Variants in SOX5 observed in about 807,000 individuals in gnomAD.
SOX5 encodes transcription factor SOX-5.
In SOX5, 9 loss-of-function variants were observed where a neutral mutation model predicts 92.0. That is an observed-to-expected ratio of 0.10 (90% CI 0.06 to 0.17). The LOEUF is 0.17. Among genes scored for constraint, SOX5 ranks in the 10% least tolerant of loss-of-function variants. SOX5 has a pLI of 1.00. For missense variants in SOX5, 642 were observed against 944.5 expected, an observed-to-expected ratio of 0.68 and a Z score of 4.20; for synonymous variants, 344 against 336.3, an observed-to-expected ratio of 1.02 and a Z score of -0.25.
chr12:24,162,700 A>G (rs1952897700), intron 4 of SOX5, among the ~76,000 whole-genome samples: 1 of 152,150 alleles, frequency 6.6e-6, no homozygotes, highest in African/African-American at 2.4e-5. Flanking sequence ...TGTAAAGGAC[A>G]TATATTGTTT....
intron 1 of SOX5, among the ~76,000 whole-genome samples, chr12:24,455,563 G>C (rs1427301657): frequency 6.6e-6 from 1 of 152,120 alleles, no homozygotes; most frequent in Non-Finnish European, 1.5e-5. Context: ...TTTCACTTTG[G>C]AGAATGCATT....
At chr12:24,249,925 G>C (rs534523176) in intron 3 of SOX5, among the ~76,000 whole-genome samples, 39 of 152,248 alleles carry the variant, frequency 2.6e-4, no homozygotes, top group Non-Finnish European at 4.7e-4. Context: ...TCCTGCAGAA[G>C]GAAGGGAAAT....
At chr12:23,825,524 T>C (rs1362521158) in intron 3 of SOX5, among the ~76,000 whole-genome samples, 1 of 152,178 alleles carries the variant, frequency 6.6e-6, no homozygotes, top group Non-Finnish European at 1.5e-5. Flanking sequence ...TATTCGGCCA[T>C]CTTGCCCGGG....
intron 3 of SOX5, among the ~76,000 whole-genome samples, chr12:23,783,061 A>C (rs2095313381): frequency 6.6e-6 from 1 of 152,140 alleles, no homozygotes; most frequent in Non-Finnish European, 1.5e-5. Flanking sequence ...TAGGTATCTA[A>C]ATTAGCTCAT....
intron 4 of SOX5, among the ~76,000 whole-genome samples, chr12:23,979,698 G>GCT (rs1949311242): frequency 1.5e-5 from 1 of 64,692 alleles, no homozygotes; most frequent in Non-Finnish European, 2.7e-5. Flanking sequence ...ATATATATAT[G>GCT]TTTTTTTTGT....
intron 2 of SOX5, among the ~76,000 whole-genome samples, chr12:24,286,458 A>C (rs772362812): frequency 2.6e-4 from 40 of 152,170 alleles, no homozygotes; most frequent in Non-Finnish European, 4.4e-4. Flanking sequence ...GTACAATCAG[A>C]TATTTGAAGG....
intron 2 of SOX5, among the ~76,000 whole-genome samples, chr12:24,362,049 GTCCTATT>G (rs1178045542): frequency 6.6e-6 from 1 of 152,200 alleles, no homozygotes; most frequent in Non-Finnish European, 1.5e-5. Context: ...TGACCTTTCT[GTCCTATT>G]TCCTCTAGAG....
chr12:24,389,026 T>G (rs1269883831), intron 1 of SOX5, among the ~76,000 whole-genome samples: 1 of 152,086 alleles, frequency 6.6e-6, no homozygotes, highest in East Asian at 1.9e-4. Flanking sequence ...TACATATGTA[T>G]ACATGTGCCA....
At chr12:24,380,938 T>G (rs1235043069) in intron 1 of SOX5, among the ~76,000 whole-genome samples, 1 of 152,140 alleles carries the variant, frequency 6.6e-6, no homozygotes, top group Non-Finnish European at 1.5e-5. Flanking sequence ...CATCCAAATT[T>G]GAAACAAATA....
At chr12:23,979,909 CT>C (rs1308150963) in intron 4 of SOX5, among the ~76,000 whole-genome samples, 56 of 48,048 alleles carry the variant, frequency 1.2e-3, no homozygotes, top group African/African-American at 8.7e-4. Context: ...GGCTGGCTGG[CT>C]GGCCAGACAG....
chr12:23,847,994 T>C (rs1311364868), intron 2 of SOX5, among the ~76,000 whole-genome samples: 1 of 152,110 alleles, frequency 6.6e-6, no homozygotes, highest in Non-Finnish European at 1.5e-5. Context: ...AATAGGAATG[T>C]TTTTATGAAT....
At chr12:23,768,831 C>T (rs942340383) in intron 3 of SOX5, among the ~76,000 whole-genome samples, 2 of 152,054 alleles carry the variant, frequency 1.3e-5, no homozygotes, top group African/African-American at 4.8e-5. Context: ...GCTGTATTAT[C>T]TACCTAAAAC....
chr12:23,581,353 C>T (rs1950017773), intron 9 of SOX5, among the ~76,000 whole-genome samples: 1 of 152,016 alleles, frequency 6.6e-6, no homozygotes, highest in South Asian at 2.1e-4. Flanking sequence ...AATGATTAAA[C>T]CCTTCAGAAT....
chr12:24,292,439 G>T (rs1008197888), intron 2 of SOX5, among the ~76,000 whole-genome samples: 16 of 152,102 alleles, frequency 1.1e-4, no homozygotes, highest in African/African-American at 3.6e-4. Context: ...ATTCATCATA[G>T]TTATAAGCCA....
At chr12:24,439,768 G>C (rs139173942) in intron 1 of SOX5, among the ~76,000 whole-genome samples, 2 of 151,964 alleles carry the variant, frequency 1.3e-5, no homozygotes, top group African/African-American at 4.8e-5. Context: ...GGTGGCGGGC[G>C]CCTGTAGTCC....
At chr12:24,117,256 GT>G (rs781775869) in intron 4 of SOX5, among the ~76,000 whole-genome samples, 4 of 152,124 alleles carry the variant, frequency 2.6e-5, no homozygotes, top group Non-Finnish European at 5.9e-5. Context: ...TTAAAACCAT[GT>G]TGAGATATCA....
chr12:23,704,952 T>C (rs2091201084), intron 6 of SOX5, among the ~76,000 whole-genome samples: 1 of 151,730 alleles, frequency 6.6e-6, no homozygotes, highest in African/African-American at 2.4e-5. Context: ...ATTACAAATA[T>C]AAAAGACAGA....
intron 8 of SOX5, among the ~76,000 whole-genome samples, chr12:23,610,571 C>G (rs963710152): frequency 6.6e-6 from 1 of 152,012 alleles, no homozygotes; most frequent in Non-Finnish European, 1.5e-5. Flanking sequence ...ATCTCTTGTA[C>G]ATATTTAATA....
intron 7 of SOX5, among the ~76,000 whole-genome samples, chr12:23,644,362 G>T (rs1259612281): frequency 6.6e-6 from 1 of 152,218 alleles, no homozygotes; most frequent in Non-Finnish European, 1.5e-5. Flanking sequence ...TCCGGAGCCA[G>T]AGGTACCCAG....
Sources: allele counts gnomAD v4.1 joint callset (sites outside exome capture counted in the v4.1 genomes callset), GRCh38; gene constraint gnomAD v4.1.1; transcripts MANE v1.5; gene names NCBI Gene and HGNC (gene_info 2026-07-23, HGNC 2026-07-21).